TJP1: variants seen among roughly 807,000 people sequenced by gnomAD.
TJP1 encodes the protein tight junction protein ZO-1.
Under a neutral mutation model 194.2 loss-of-function variants are expected in TJP1, and 43 were observed. That is an observed-to-expected ratio of 0.22 (90% confidence interval 0.17 to 0.29). The LOEUF (loss-of-function observed/expected upper bound fraction) is 0.29. TJP1 is among the 10% of genes least tolerant of loss of function. The pLI, the probability that TJP1 is intolerant of heterozygous loss-of-function variation, is 1.00. For missense variants in TJP1, 1,971 were observed against 2,185.7 expected (o/e 0.90, Z 1.96); for synonymous variants, 801 against 779.0 (o/e 1.03, Z -0.47).
chr15:29,943,631 A>G, intron 2 of TJP1, among the ~76,000 whole-genome samples: 2 of 96,886 alleles, frequency 2.1e-5, no homozygotes, highest in East Asian at 8.1e-4. Flanking sequence ...TCCATCTCAA[A>G]AAAAAAAAAA....
In TJP1 at chr15:29,734,353, TATG is replaced by T; in HGVS notation, c.1434_1436del (p.Ile479del). 9 of 1,613,196 alleles carry T rather than the reference TATG, an allele frequency of 5.6e-6. No individual in the cohort carries two copies. The highest frequency in any genetic ancestry group is 1.3e-5 in the African/African-American group (1 of 74,994). ...GCAGGAAAAGGACGGCTTCTTCTCT[TATG>T]ATATTTGTAAAATCTACGTTGTTTA... On this transcript the variant is annotated inframe_deletion, in exon 12 of 28. Coordinates refer to ENST00000614355, the MANE Select transcript of TJP1 (RefSeq NM_001330239.4).
intron 2 of TJP1, among the ~76,000 whole-genome samples, chr15:29,887,629 G>GAA (rs1370083959): frequency 6.6e-6 from 1 of 151,164 alleles, no homozygotes; most frequent in South Asian, 2.1e-4. Flanking sequence ...TCACTTCTAG[G>GAA]AAAAAAAATG....
In TJP1 at chr15:29,761,327, A is replaced by T. The variant is rs774306259; in HGVS notation, c.863-41T>A. ...TGCTACTTATTTTCCCACAAAAATAATTACAGTCAAGTATAAGGTACTCCA... is the reference window on the plus strand; with the variant it reads ...TGCTACTTATTTTCCCACAAAAATATTTACAGTCAAGTATAAGGTACTCCA... On this transcript the variant is annotated intron_variant, in intron 7 of 27. Coordinates refer to ENST00000614355, the MANE Select transcript of TJP1 (RefSeq NM_001330239.4). 1.4e-5 allele frequency: 22 copies of T among 1,610,994 alleles called. No individual in the cohort carries two copies. In the African/African-American group the frequency reaches 2.8e-4, roughly 21 times the overall value.
At chr15:29,846,442 C>A (rs137926447) in intron 2 of TJP1, among the ~76,000 whole-genome samples, 2,005 of 152,130 alleles carry the variant, frequency 0.013, 21 homozygotes, top group Non-Finnish European at 0.021. Context: ...TATTCACTTG[C>A]TGATTTGATA....
At chr15:29,820,903 A>G (rs45527439) in intron 1 of TJP1, among the ~76,000 whole-genome samples, 2 of 152,340 alleles carry the variant, frequency 1.3e-5, no homozygotes, top group African/African-American at 4.8e-5. Flanking sequence ...CCAGCCAGCA[A>G]ACAAGCTTCT....
intron 2 of TJP1, among the ~76,000 whole-genome samples, chr15:29,854,430 A>T (rs187084087): frequency 6.6e-6 from 1 of 152,272 alleles, no homozygotes; most frequent in Admixed American, 6.5e-5. Context: ...TGTCCTTATA[A>T]GAGGGAGGCA....
chr15:29,949,680 C>CAA (rs2055549497), intron 2 of TJP1, among the ~76,000 whole-genome samples: 2 of 105,990 alleles, frequency 1.9e-5, no homozygotes, highest in Non-Finnish European at 4.1e-5. Flanking sequence ...ACCACCTCCA[C>CAA]CTTCACCACC....
At chr15:29,821,186 TTAATG>T (rs1240078421) in intron 1 of TJP1, among the ~76,000 whole-genome samples, 2 of 152,222 alleles carry the variant, frequency 1.3e-5, no homozygotes, top group African/African-American at 4.8e-5. Flanking sequence ...CTTTGGCTTT[TTAATG>T]TAATACACAA....
chr15:29,916,145 T>C (rs1007211724), intron 2 of TJP1, among the ~76,000 whole-genome samples: 2 of 150,216 alleles, frequency 1.3e-5, no homozygotes, highest in African/African-American at 4.9e-5. Flanking sequence ...CTCGGGAGGC[T>C]GAGGCAGCAA....
intron 1 of TJP1, among the ~76,000 whole-genome samples, chr15:29,959,766 C>T (rs771719746): frequency 4.6e-5 from 7 of 152,134 alleles, no homozygotes; most frequent in South Asian, 2.1e-4. Context: ...TTAATTTTGT[C>T]GTAGCTTTAA....
At chr15:29,966,284 C>T (rs927013345) in intron 1 of TJP1, among the ~76,000 whole-genome samples, 3 of 152,162 alleles carry the variant, frequency 2.0e-5, no homozygotes, top group African/African-American at 7.2e-5. Context: ...AGGTGGATCA[C>T]CTAACGTCAG....
intron 2 of TJP1, among the ~76,000 whole-genome samples, chr15:29,836,013 C>T (rs2051016123): frequency 6.6e-6 from 1 of 152,106 alleles, no homozygotes; most frequent in Non-Finnish European, 1.5e-5. Flanking sequence ...CTTCATACTC[C>T]CTTTGTCTCC....
At position 29,956,375 on chromosome 15, in the gene TJP1, GA is replaced by G. The variant is rs1490164337; in HGVS notation, c.174-12del. 9.4e-6 allele frequency: 12 copies of G among 1,279,978 alleles called. No individual in the cohort carries two copies. In the East Asian group the frequency reaches 6.1e-4, roughly 65 times the overall value. The allele number at this position is 1,279,978 out of a possible 1,614,324, so 79.3% of individuals were successfully genotyped here. ...GAGGATGGCGTTACCCTGCAAGAAA[GA>G]AAAAAATTCTTAAAAAGGCAGGTTT... On this transcript the variant is annotated splice_polypyrimidine_tract_variant and intron_variant, in intron 1 of 28. Transcript: ENST00000356107.
intron 2 of TJP1, among the ~76,000 whole-genome samples, chr15:29,790,830 G>A (rs1256342413): frequency 1.3e-5 from 2 of 148,266 alleles, no homozygotes; most frequent in South Asian, 2.1e-4. Flanking sequence ...TTCATTTAAC[G>A]TAATGTCCTC....
intron 1 of TJP1, among the ~76,000 whole-genome samples, chr15:29,807,395 A>T (rs2049179880): frequency 6.6e-6 from 1 of 152,222 alleles, no homozygotes; most frequent in Admixed American, 6.5e-5. Flanking sequence ...TAAAATCTAG[A>T]GTGCTTTCAA....
rs1305586577 is a variant in TJP1 at position 29,849,371 on chromosome 15, T to C, written c.307-48669A>G. On this transcript the variant is annotated intron_variant, in intron 2 of 28. Transcript: ENST00000356107. ...ACTCAGCAAGTGGAGTTTATTCCAC[T>C]CACCCCGCACCCCCCACTGTTTTAA... 2.0e-5 allele frequency among the ~76,000 whole-genome samples: 3 copies of C among 151,550 alleles called. No individual in the cohort carries two copies. The East Asian group carries it at 5.8e-4, about 29-fold the overall frequency.
chr15:29,922,407 C>G (rs1486818358), intron 2 of TJP1, among the ~76,000 whole-genome samples: 6 of 149,276 alleles, frequency 4.0e-5, no homozygotes, highest in South Asian at 2.2e-4. Flanking sequence ...GCTAAAGTTG[C>G]TGTCTATTAA....
chr15:29,893,784 C>T (rs1384904880), intron 2 of TJP1, among the ~76,000 whole-genome samples: 1 of 152,144 alleles, frequency 6.6e-6, no homozygotes, highest in East Asian at 1.9e-4. Flanking sequence ...TGACTGACTG[C>T]ATTGTGATAT....
At chr15:29,708,413 T>A (rs1431204680) in intron 25 of TJP1, 146 bp downstream of exon 25, 7 of 697,946 alleles carry the variant, frequency 1.0e-5, no homozygotes, top group Non-Finnish European at 1.7e-5. Flanking sequence ...GGACCTTCTA[T>A]GTAACAGCAT....
Sources: gnomAD v4.1 joint callset for allele counts (sites outside exome capture counted in the v4.1 genomes callset) on GRCh38, gnomAD v4.1.1 for gene constraint, MANE v1.5 for transcripts, NCBI Gene and HGNC (gene_info 2026-07-23, HGNC 2026-07-21) for gene names.